Variants in DLG2 observed in about 807,000 individuals in gnomAD.
The protein encoded by DLG2 is discs large MAGUK scaffold protein 2.
A neutral mutation model predicts 132.5 loss-of-function variants in DLG2; 45 were observed. The observed-to-expected ratio is 0.34, with a 90% CI of 0.27 to 0.44. The LOEUF (loss-of-function observed/expected upper bound fraction) is 0.44, where lower values mean the gene tolerates loss of function less well. Among genes scored for constraint, DLG2 ranks in the 20% least tolerant of loss-of-function variants. The pLI, the probability that DLG2 is intolerant of heterozygous loss-of-function variation, is 1.00. For synonymous variants in DLG2, 424 were observed against 419.6 expected (o/e 1.01, Z -0.13); for missense variants, 1,045 against 1,196.9 (o/e 0.87, Z 1.87).
chr11:85,395,550 C>T (rs574760200), intron 3 of DLG2, among the ~76,000 whole-genome samples: 1 of 152,152 alleles, frequency 6.6e-6, no homozygotes. Flanking sequence ...ACACTCTGAG[C>T]CAAATACTGC....
intron 3 of DLG2, among the ~76,000 whole-genome samples, chr11:85,468,091 T>G (rs551027699): frequency 6.6e-6 from 1 of 152,368 alleles, no homozygotes; most frequent in East Asian, 1.9e-4. Context: ...TTCTAGTTTA[T>G]TTGTGTAGAG....
At position 85,473,571 on chromosome 11, in the gene DLG2, G is replaced by A. The variant is rs1285731365; in HGVS notation, c.40+125086C>T. Reference sequence around the variant, plus strand: ...ATATGAGTATATCTGAAAAAGTATTGACTATAAATGTAAATTTTTAACATA... The same window carrying A: ...ATATGAGTATATCTGAAAAAGTATTAACTATAAATGTAAATTTTTAACATA... On this transcript the variant is annotated intron_variant, in intron 3 of 27. Transcript: ENST00000376104. Among the ~76,000 whole-genome samples, 5 of 152,092 alleles carry A rather than the reference G, an allele frequency of 3.3e-5. No homozygotes were observed. In the South Asian group the frequency reaches 6.2e-4, roughly 19 times the overall value.
chr11:84,975,666 T>C (rs2054797548), intron 6 of DLG2, among the ~76,000 whole-genome samples: 1 of 152,200 alleles, frequency 6.6e-6, no homozygotes, highest in South Asian at 2.1e-4. Flanking sequence ...ATCAACACAA[T>C]CTTAACTGCT....
At chr11:84,913,635 C>G (rs1350379361) in intron 6 of DLG2, among the ~76,000 whole-genome samples, 1 of 151,962 alleles carries the variant, frequency 6.6e-6, no homozygotes, top group Non-Finnish European at 1.5e-5. Flanking sequence ...CATCTTAATC[C>G]AATAGACATG....
In DLG2 at chr11:83,457,284, A is replaced by G. The variant is rs1239907270; in HGVS notation, c.*2534T>C. On this transcript the variant is annotated 3_prime_UTR_variant, in exon 28 of 28. Transcript: ENST00000376104. ...AGTCATCAGATTTGCTGCAAAATAC[A>G]CCAGTTCATTGGAGCCATAGAGACA... is the stretch of plus-strand genomic sequence containing the variant. 1 of 152,638 alleles carries G rather than the reference A, an allele frequency of 6.6e-6. No homozygotes were observed. The highest frequency in any genetic ancestry group is 1.5e-5 in the Non-Finnish European group (1 of 68,036). 9.5% of individuals were successfully genotyped at this position (152,638 alleles called of 1,614,324 possible). A position where few individuals can be genotyped will look rare whatever the true frequency, so the allele number is the denominator to read the frequency against.
intron 6 of DLG2, among the ~76,000 whole-genome samples, chr11:84,674,681 C>T (rs1357432222): frequency 1.3e-5 from 2 of 152,074 alleles, no homozygotes; most frequent in Non-Finnish European, 2.9e-5. Context: ...TATTTATAAC[C>T]TCTCATTGAC....
chr11:84,101,536 A>C (rs1340351708), intron 9 of DLG2, among the ~76,000 whole-genome samples: 1 of 152,154 alleles, frequency 6.6e-6, no homozygotes, highest in Non-Finnish European at 1.5e-5. Context: ...ATAGCAAAAA[A>C]AAGCAATAAT....
chr11:84,024,279 C>G (rs2095480462), intron 11 of DLG2, among the ~76,000 whole-genome samples: 1 of 152,174 alleles, frequency 6.6e-6, no homozygotes. Flanking sequence ...ACACATCTAA[C>G]TAAAGGTCCT....
At chr11:84,912,129 C>A (rs959098824) in intron 6 of DLG2, among the ~76,000 whole-genome samples, 1 of 151,230 alleles carries the variant, frequency 6.6e-6, no homozygotes, top group Non-Finnish European at 1.5e-5. Flanking sequence ...GTTAACATTT[C>A]CTTGGCTTTC....
intron 3 of DLG2, among the ~76,000 whole-genome samples, chr11:85,467,583 A>G (rs1408338966): frequency 1.3e-5 from 2 of 152,090 alleles, no homozygotes; most frequent in East Asian, 1.9e-4. Flanking sequence ...AGTTTTTGTC[A>G]TTGGTTCTGT....
intron 8 of DLG2, among the ~76,000 whole-genome samples, chr11:84,187,351 T>C (rs867485447): frequency 6.6e-6 from 1 of 152,082 alleles, no homozygotes; most frequent in African/African-American, 2.4e-5. Flanking sequence ...ATATATTTAG[T>C]TGTAAAGGCT....
chr11:83,476,498 ATTTG>A (rs1224645324), intron 22 of DLG2, among the ~76,000 whole-genome samples: 1 of 152,170 alleles, frequency 6.6e-6, no homozygotes, highest in African/African-American at 2.4e-5. Flanking sequence ...ACTTTAAGTA[ATTTG>A]TTTAAGGTCA....
At chr11:84,269,280 T>A (rs2154362952) in intron 7 of DLG2, among the ~76,000 whole-genome samples, 1 of 152,240 alleles carries the variant, frequency 6.6e-6, no homozygotes, top group East Asian at 1.9e-4. Context: ...CATATCGTAA[T>A]TTCTGACACA....
chr11:85,398,355 C>A (rs1203487081), intron 3 of DLG2, among the ~76,000 whole-genome samples: 35 of 152,034 alleles, frequency 2.3e-4, no homozygotes, highest in Non-Finnish European at 7.4e-5. Flanking sequence ...ACCTTAACAT[C>A]ATAATTAAAA....
intron 7 of DLG2, among the ~76,000 whole-genome samples, chr11:84,476,186 A>C (rs2099121207): frequency 6.6e-6 from 1 of 152,146 alleles, no homozygotes; most frequent in African/African-American, 2.4e-5. Context: ...CACATAACTA[A>C]TAAAAGAGCA....
At chr11:84,750,099 A>C (rs561934724) in intron 6 of DLG2, among the ~76,000 whole-genome samples, 1 of 152,294 alleles carries the variant, frequency 6.6e-6, no homozygotes, top group African/African-American at 2.4e-5. Context: ...TTGTTCCAAC[A>C]GTAAAGGAAG....
chr11:83,480,244 A>G, intron 22 of DLG2: 2 of 744,506 alleles, frequency 2.7e-6, no homozygotes, highest in Non-Finnish European at 4.5e-6. Context: ...TTTCATTTCA[A>G]GCCATTTGCT....
At chr11:84,052,816 T>C (rs1362294390) in intron 11 of DLG2, among the ~76,000 whole-genome samples, 1 of 151,960 alleles carries the variant, frequency 6.6e-6, no homozygotes, top group East Asian at 1.9e-4. Context: ...TGCTTTTACA[T>C]TGTTGGTAGG....
At chr11:85,064,425 A>G (rs553635750) in intron 6 of DLG2, among the ~76,000 whole-genome samples, 13 of 151,868 alleles carry the variant, frequency 8.6e-5, no homozygotes, top group African/African-American at 3.1e-4. Context: ...ACGTGGCAGC[A>G]GTAATTGTTC....
Sources: gnomAD v4.1 joint callset for allele counts (sites outside exome capture counted in the v4.1 genomes callset) on GRCh38, gnomAD v4.1.1 for gene constraint, MANE v1.5 for transcripts, NCBI Gene and HGNC (gene_info 2026-07-23, HGNC 2026-07-21) for gene names.